RPS24: variants seen among roughly 807,000 people sequenced by gnomAD.
RPS24 encodes the protein ribosomal protein S24, also known as small ribosomal subunit protein eS24.
For synonymous variants in RPS24, 72 were observed against 55.6 expected, an observed-to-expected ratio of 1.30 and a Z score of -1.31; for missense variants, 100 against 162.5, an observed-to-expected ratio of 0.62 and a Z score of 2.09.
chr10:78,040,090 G>T, intron 4 of RPS24, 114 bp from the exon 5 acceptor site: 1 of 937,842 alleles, frequency 1.1e-6, no homozygotes, highest in African/African-American at 1.6e-5. Flanking sequence ...TCATCTTTAA[G>T]GTACCTGATT....
chr10:78,054,124 T>A (rs1051004981), intron 4 of RPS24, among the ~76,000 whole-genome samples: 1 of 151,912 alleles, frequency 6.6e-6, no homozygotes, highest in East Asian at 1.9e-4. Flanking sequence ...CCTGGAGTGC[T>A]GTTGGGCGAA....
chr10:78,038,142 C>G (rs989519106), intron 4 of RPS24: 6 of 327,510 alleles, frequency 1.8e-5, no homozygotes, highest in Non-Finnish European at 3.6e-5. Flanking sequence ...GTGGCAAAAA[C>G]CACAATTACT....
At chr10:78,041,802 A>G (rs1016252875), downstream of RPS24, among the ~76,000 whole-genome samples, 1 of 152,146 alleles carries the variant, frequency 6.6e-6, no homozygotes, top group East Asian at 1.9e-4. Context: ...GAAGGAAGCA[A>G]TTGAGAACTG....
In RPS24 at chr10:78,037,320, G is replaced by GA; in HGVS notation, c.390+20dup. 1 of 1,578,360 alleles carries GA rather than the reference G, an allele frequency of 6.3e-7. No homozygotes were observed. Among genetic ancestry groups the GA allele is most frequent in the East Asian group, 2.3e-5 (1 of 43,436 alleles). ...TGGCAAAAAGGTATAGTTCATTAAG[G>GA]AAAATATAGAAACGTCATTAATTGT... On this transcript the variant is annotated intron_variant, in intron 4 of 5. Coordinates refer to ENST00000372360, the MANE Select transcript of RPS24 (RefSeq NM_033022.4).
chr10:78,043,856 T>C (rs1294649033), downstream of RPS24, among the ~76,000 whole-genome samples: 2 of 152,044 alleles, frequency 1.3e-5, no homozygotes, highest in African/African-American at 4.8e-5. Context: ...TGGAAAATTA[T>C]CATGGCTAAA....
chr10:78,033,980 G>A lies in RPS24; in HGVS notation c.3+76G>A, dbSNP rs1375622649. The stretch of plus-strand genomic sequence containing the variant: ...GTGGTCCCTGGGTCCCAGTACTTGA[G>A]CTATAGGCACGCGAAGCCCGGTTGC... On this transcript the variant is annotated intron_variant, in intron 1 of 5. Coordinates refer to ENST00000372360, the MANE Select transcript of RPS24 (RefSeq NM_033022.4). 3.8e-6 allele frequency: 6 copies of A among 1,574,288 alleles called. No homozygotes were observed. In the African/African-American group the frequency reaches 4.0e-5, roughly 11 times the overall value.
At chr10:78,055,136 AC>A in exon 5 of RPS24, 1 of 1,401,802 alleles carries the variant, frequency 7.1e-7, no homozygotes, top group Non-Finnish European at 9.3e-7. Flanking sequence ...TCTGTTCAGA[AC>A]CCTCCAGGGC....
chr10:78,051,325 T>C (rs1384797202), intron 4 of RPS24, among the ~76,000 whole-genome samples: 1 of 152,256 alleles, frequency 6.6e-6, no homozygotes, highest in East Asian at 1.9e-4. Context: ...AAACTTCATA[T>C]AAATGAAATC....
chr10:78,049,563 C>T (rs1478722140), intron 4 of RPS24, among the ~76,000 whole-genome samples: 2 of 152,230 alleles, frequency 1.3e-5, no homozygotes, highest in African/African-American at 2.4e-5. Context: ...TAGACGTTTT[C>T]TCTCTCCACT....
chr10:78,038,562 A>G (rs1847926453), intron 4 of RPS24: 1 of 151,088 alleles, frequency 6.6e-6, no homozygotes, highest in South Asian at 2.1e-4. Context: ...TTTAAAATAG[A>G]AAATTTTTGA....
downstream of RPS24, among the ~76,000 whole-genome samples, chr10:78,042,386 TC>T (rs1847995618): frequency 3.9e-5 from 6 of 152,208 alleles, no homozygotes; most frequent in Admixed American, 3.9e-4. Context: ...TAAATTGGGC[TC>T]CCAAGGGTAT....
chr10:78,055,412 C>G (rs996897418), exon 5 of RPS24: 2 of 170,212 alleles, frequency 1.2e-5, no homozygotes, highest in African/African-American at 4.8e-5. Flanking sequence ...TGCTATACCC[C>G]TGGCGCCCAG....
At chr10:78,038,361 G>C (rs1231734764) in intron 4 of RPS24, 3 of 158,996 alleles carry the variant, frequency 1.9e-5, no homozygotes, top group African/African-American at 7.2e-5. Flanking sequence ...GCTTGGGAAG[G>C]GCTCTCTTAT....
rs759947869 is a variant in RPS24, at chr10:78,033,911, C to T, written c.3+7C>T. ...AAGATAGATCGCCATCATGGTGAGT[C>T]TCCCTGGGCCCGTGCAGTCATCTGC... On this transcript the variant is annotated splice_region_variant and intron_variant, in intron 1 of 5. Coordinates refer to ENST00000372360, the MANE Select transcript of RPS24 (RefSeq NM_033022.4). 1.7e-5 allele frequency: 27 copies of T among 1,613,948 alleles called. No individual in the cohort carries two copies. The African/African-American group carries it at 2.4e-4, about 14-fold the overall frequency.
intron 1 of RPS24, chr10:78,034,228 G>A (rs1847807458): frequency 3.9e-6 from 2 of 516,576 alleles, no homozygotes; most frequent in Admixed American, 3.2e-5. Context: ...CATCTCGTCT[G>A]CAGTTCCTCA....
intron 1 of RPS24, 69 bp from the exon 2 acceptor site, chr10:78,035,283 C>G: frequency 6.8e-7 from 1 of 1,473,186 alleles, no homozygotes. Flanking sequence ...CATTCTAGGT[C>G]TTGGAAAATC....
intron 4 of RPS24, chr10:78,037,985 A>G (rs1018317793): frequency 1.6e-6 from 2 of 1,275,780 alleles, no homozygotes; most frequent in Non-Finnish European, 2.0e-6. Flanking sequence ...TCTAGCAGGT[A>G]CTGAGATTGT....
intron 1 of RPS24, chr10:78,034,386 G>A (rs1847813356): frequency 5.1e-6 from 1 of 196,078 alleles, no homozygotes; most frequent in African/African-American, 2.3e-5. Flanking sequence ...GTTTCATAGT[G>A]GGGAAACAGG....
Position 78,040,605 on chromosome 10 carries a change from T to C in RPS24, c.*20-10T>C, listed in dbSNP as rs777465356. 1 of 1,611,290 alleles carries C rather than the reference T, an allele frequency of 6.2e-7. No homozygotes were observed. Among genetic ancestry groups the C allele is most frequent in the Non-Finnish European group, 8.5e-7 (1 of 1,177,366 alleles). ...AGTTGTTGACTAAACTTCTTTCTCT[T>C]GATTCACAGCCGAAGGAGTAAAGGT... is the stretch of plus-strand genomic sequence containing the variant. On this transcript the variant is annotated splice_polypyrimidine_tract_variant and intron_variant, in intron 5 of 5. Coordinates refer to ENST00000372360, the MANE Select transcript of RPS24 (RefSeq NM_033022.4).
Sources: gnomAD v4.1 joint callset for allele counts (sites outside exome capture counted in the v4.1 genomes callset) on GRCh38, gnomAD v4.1.1 for gene constraint, MANE v1.5 for transcripts, NCBI Gene and HGNC (gene_info 2026-07-23, HGNC 2026-07-21) for gene names.